The following SPAG16 variants were observed in gnomAD, a reference collection of about 807,000 sequenced individuals.
SPAG16 encodes the protein sperm-associated antigen 16 protein.
Under a neutral mutation model 80.4 loss-of-function variants are expected in SPAG16, and 86 were observed. The observed-to-expected ratio is 1.07, with a 90% CI of 0.90 to 1.28. The LOEUF (loss-of-function observed/expected upper bound fraction) is 1.28. SPAG16 is among the 50% of genes most tolerant of loss of function. The pLI is 0.00. For missense variants in SPAG16, 870 were observed against 765.3 expected (o/e 1.14, Z -1.61); for synonymous variants, 294 against 265.9 (o/e 1.11, Z -1.03).
intron 15 of SPAG16, among the ~76,000 whole-genome samples, chr2:214,352,674 C>T (rs150762024): frequency 5.5e-4 from 84 of 151,408 alleles, no homozygotes; most frequent in African/African-American, 1.9e-3. Flanking sequence ...CTTTTTGAGG[C>T]TGTTTGACAT....
chr2:213,982,165 T>G (rs1272200522), intron 12 of SPAG16, among the ~76,000 whole-genome samples: 1 of 152,058 alleles, frequency 6.6e-6, no homozygotes, highest in African/African-American at 2.4e-5. Flanking sequence ...TTGCGACAAT[T>G]TAAAAGTTAT....
chr2:213,998,961 G>C (rs1575776591), intron 12 of SPAG16, among the ~76,000 whole-genome samples: 1 of 152,088 alleles, frequency 6.6e-6, no homozygotes, highest in Non-Finnish European at 1.5e-5. Context: ...CGATGACTTG[G>C]GTGCTGTTAA....
intron 10 of SPAG16, among the ~76,000 whole-genome samples, chr2:213,606,765 G>A (rs982527946): frequency 1.3e-5 from 2 of 152,162 alleles, no homozygotes; most frequent in Non-Finnish European, 2.9e-5. Flanking sequence ...CTCTCAATCT[G>A]TATTTAGCAA....
chr2:213,590,702 G>A (rs778997266), intron 10 of SPAG16, among the ~76,000 whole-genome samples: 16 of 152,084 alleles, frequency 1.1e-4, no homozygotes, highest in Non-Finnish European at 1.3e-4. Context: ...GCTGTTGGTG[G>A]GAATGCAAAT....
intron 9 of SPAG16, among the ~76,000 whole-genome samples, chr2:213,489,387 C>T (rs972105404): frequency 6.6e-6 from 1 of 151,896 alleles, no homozygotes; most frequent in Non-Finnish European, 1.5e-5. Context: ...GGGCGGTGAC[C>T]AAGAAATGAC....
intron 9 of SPAG16, among the ~76,000 whole-genome samples, chr2:213,425,030 G>A (rs1452610526): frequency 6.6e-6 from 1 of 152,200 alleles, no homozygotes; most frequent in Admixed American, 6.5e-5. Flanking sequence ...ATATATGAAT[G>A]TGTGGCAATA....
chr2:213,705,698 G>A (rs1470851116), intron 10 of SPAG16, among the ~76,000 whole-genome samples: 1 of 152,048 alleles, frequency 6.6e-6, no homozygotes, highest in Non-Finnish European at 1.5e-5. Context: ...CTCCCTTAAA[G>A]CAATACATTT....
chr2:214,013,644 T>C (rs2047431920), intron 12 of SPAG16, among the ~76,000 whole-genome samples: 1 of 152,182 alleles, frequency 6.6e-6, no homozygotes, highest in African/African-American at 2.4e-5. Context: ...AACATATTCC[T>C]CTATTATGTG....
At chr2:213,567,597 G>T (rs1289741048) in intron 10 of SPAG16, among the ~76,000 whole-genome samples, 1 of 83,392 alleles carries the variant, frequency 1.2e-5, no homozygotes, top group Middle Eastern at 4.5e-3. Flanking sequence ...ATTCCATGGT[G>T]TATATGTGCC....
chr2:213,934,051 C>A (rs1394965796), intron 12 of SPAG16, among the ~76,000 whole-genome samples: 1 of 152,082 alleles, frequency 6.6e-6, no homozygotes, highest in Non-Finnish European at 1.5e-5. Flanking sequence ...AATATGGCCA[C>A]AGAGGATAAT....
At chr2:213,632,432 T>A (rs1310985692) in intron 10 of SPAG16, among the ~76,000 whole-genome samples, 2 of 152,172 alleles carry the variant, frequency 1.3e-5, no homozygotes, top group East Asian at 3.8e-4. Context: ...TAATTTGACT[T>A]CTTCCTTTCC....
At chr2:214,392,515 A>C (rs1701146576) in intron 15 of SPAG16, among the ~76,000 whole-genome samples, 2 of 152,122 alleles carry the variant, frequency 1.3e-5, no homozygotes, top group Non-Finnish European at 2.9e-5. Flanking sequence ...AGCTTTTCCC[A>C]TGACAGCAAG....
At chr2:213,887,343 T>C (rs918433146) in intron 11 of SPAG16, among the ~76,000 whole-genome samples, 4 of 152,022 alleles carry the variant, frequency 2.6e-5, no homozygotes, top group Non-Finnish European at 5.9e-5. Context: ...TTTTTCGTTT[T>C]GTTTTGTTTT....
chr2:213,631,317 G>A (rs1430705755), intron 10 of SPAG16, among the ~76,000 whole-genome samples: 5 of 152,114 alleles, frequency 3.3e-5, no homozygotes, highest in Non-Finnish European at 7.4e-5. Flanking sequence ...GAAAACACTC[G>A]GTGGTAAACA....
At chr2:213,831,636 G>C (rs1318899839) in intron 10 of SPAG16, among the ~76,000 whole-genome samples, 1 of 151,962 alleles carries the variant, frequency 6.6e-6, no homozygotes, top group Non-Finnish European at 1.5e-5. Flanking sequence ...AATTCTGCAT[G>C]TTCGTTTTTA....
intron 9 of SPAG16, among the ~76,000 whole-genome samples, chr2:213,443,806 A>G (rs547949044): frequency 1.3e-5 from 2 of 152,288 alleles, no homozygotes; most frequent in African/African-American, 4.8e-5. Flanking sequence ...GTGGTGCTTG[A>G]TGCATGCACA....
intron 11 of SPAG16, among the ~76,000 whole-genome samples, chr2:213,925,808 CAAAT>C (rs901100421): frequency 6.6e-6 from 1 of 152,176 alleles, no homozygotes; most frequent in Non-Finnish European, 1.5e-5. Flanking sequence ...TAGTGAAGAT[CAAAT>C]ATATATAAAG....
At chr2:213,706,292 G>A (rs2065750060) in intron 10 of SPAG16, among the ~76,000 whole-genome samples, 1 of 152,186 alleles carries the variant, frequency 6.6e-6, no homozygotes, top group Non-Finnish European at 1.5e-5. Flanking sequence ...GCAAAGCTTT[G>A]AAGGATAATG....
chr2:213,926,597 T>A (rs2078490681), intron 11 of SPAG16, among the ~76,000 whole-genome samples: 1 of 152,138 alleles, frequency 6.6e-6, no homozygotes, highest in Non-Finnish European at 1.5e-5. Flanking sequence ...ATTTCAATAA[T>A]TTTATTTTTA....
Sources: gnomAD v4.1 joint callset for allele counts (sites outside exome capture counted in the v4.1 genomes callset) on GRCh38, gnomAD v4.1.1 for gene constraint, MANE v1.5 for transcripts, NCBI Gene and HGNC (gene_info 2026-07-23, HGNC 2026-07-21) for gene names.